Variants in PHTF2 observed in about 807,000 individuals in gnomAD.
PHTF2 encodes the protein protein PHTF2.
In PHTF2, 60 loss-of-function variants were observed where a neutral mutation model predicts 101.2. The ratio of observed to expected loss-of-function variants is 0.59; its 90% CI spans 0.48 to 0.73. The LOEUF is 0.73. Among genes scored for constraint, PHTF2 ranks in the 30% least tolerant of loss-of-function variants. The pLI is 0.00. For synonymous variants in PHTF2, 311 were observed against 307.3 expected, an observed-to-expected ratio of 1.01 and a Z score of -0.13; for missense variants, 747 against 908.7, an observed-to-expected ratio of 0.82 and a Z score of 2.29.
chr7:77,937,245 A>G (rs1805227347), intron 12 of PHTF2, among the ~76,000 whole-genome samples: 1 of 152,204 alleles, frequency 6.6e-6, no homozygotes, highest in Non-Finnish European at 1.5e-5. Context: ...CAGCTGTCAT[A>G]TTCTTTTTTA....
chr7:77,901,958 GT>G, intron 7 of PHTF2, 38 bp downstream of exon 6: 2 of 1,286,528 alleles, frequency 1.6e-6, no homozygotes, highest in Non-Finnish European at 2.1e-6. Context: ...TTTTCAGAAT[GT>G]TACATTGTTA....
chr7:77,951,582 TATAATTTGAA>T (rs1355591846), intron 17 of PHTF2, 25 bp from the exon 17 acceptor site: 13 of 872,440 alleles, frequency 1.5e-5, no homozygotes, highest in Non-Finnish European at 2.3e-5. Flanking sequence ...GTGTATTTAT[TATAATTTGAA>T]GCATTTCTAT....
chr7:77,810,875 C>T (rs538774554), intron 1 of PHTF2, among the ~76,000 whole-genome samples: 1 of 152,116 alleles, frequency 6.6e-6, no homozygotes, highest in Admixed American at 6.5e-5. Context: ...ATTTTTTCCT[C>T]ATAATTAGAT....
intron 3 of PHTF2, among the ~76,000 whole-genome samples, chr7:77,868,517 C>T (rs1251017487): frequency 1.3e-5 from 2 of 151,824 alleles, no homozygotes; most frequent in Non-Finnish European, 2.9e-5. Flanking sequence ...AAAGTGAAAG[C>T]TATTCTTCAT....
In PHTF2 at chr7:77,814,227, A is replaced by C. The variant is rs76033293; in HGVS notation, c.-36+15256A>C. 7.8e-3 allele frequency among the ~76,000 whole-genome samples: 1,189 copies of C among 152,316 alleles called. 18 individuals carry two copies. The highest frequency in any genetic ancestry group is 0.028 in the African/African-American group (1,146 of 41,576). Reference sequence around the variant, plus strand: ...CTAACACTGAATTAGCCAATAGTGAAGTGTTGCTCTTAGAGGAAATACAGA... The same window carrying C: ...CTAACACTGAATTAGCCAATAGTGACGTGTTGCTCTTAGAGGAAATACAGA... On this transcript the variant is annotated intron_variant, in intron 1 of 19. Transcript: ENST00000416283.
At chr7:77,832,977 T>A (rs529368735) in intron 1 of PHTF2, among the ~76,000 whole-genome samples, 11 of 151,994 alleles carry the variant, frequency 7.2e-5, no homozygotes, top group Admixed American at 1.3e-4. Flanking sequence ...AGATAATAAC[T>A]AATAATAAAA....
At chr7:77,920,534 T>C in intron 10 of PHTF2, 69 bp downstream of exon 9, 2 of 1,146,618 alleles carry the variant, frequency 1.7e-6, no homozygotes, top group Non-Finnish European at 1.3e-6. Flanking sequence ...GACTTAGATA[T>C]AGTAGTTGCC....
chr7:77,939,544 T>C (rs6944557), intron 13 of PHTF2, among the ~76,000 whole-genome samples: 22,772 of 148,736 alleles, frequency 0.15, 2,445 homozygotes, highest in African/African-American at 0.3. Context: ...AGCCCATTAT[T>C]GTGCCACTGT....
At chr7:77,932,833 T>G (rs1462107591) in intron 12 of PHTF2, among the ~76,000 whole-genome samples, 2 of 150,792 alleles carry the variant, frequency 1.3e-5, no homozygotes. Context: ...TGCCACACAC[T>G]GTGCAAAGTA....
chr7:77,832,998 G>C (rs774166294), intron 1 of PHTF2, among the ~76,000 whole-genome samples: 1 of 151,998 alleles, frequency 6.6e-6, no homozygotes, highest in African/African-American at 2.4e-5. Flanking sequence ...TAGGACAATC[G>C]TAACAGTATA....
chr7:77,915,875 A>C (rs1335508635), intron 9 of PHTF2, among the ~76,000 whole-genome samples: 1 of 152,006 alleles, frequency 6.6e-6, no homozygotes. Flanking sequence ...GGTGCCTGTG[A>C]TTCATGGTGT....
chr7:77,879,324 G>T (rs1271226617), intron 3 of PHTF2, among the ~76,000 whole-genome samples: 1 of 152,134 alleles, frequency 6.6e-6, no homozygotes, highest in Non-Finnish European at 1.5e-5. Flanking sequence ...AGCTGGGGAG[G>T]AGTCAGATGA....
intron 11 of PHTF2, chr7:77,922,979 T>G: frequency 7.8e-7 from 1 of 1,282,030 alleles, no homozygotes; most frequent in Non-Finnish European, 9.9e-7. Flanking sequence ...GCCACACATT[T>G]GAGCTCATTT....
rs192052123 is a variant in PHTF2 at position 77,900,491 on chromosome 7, C to T, written c.217-220C>T. 1.9e-4 allele frequency among the ~76,000 whole-genome samples: 29 copies of T among 152,262 alleles called. 1 individual carries two copies. In the East Asian group the frequency reaches 4.4e-3, roughly 23 times the overall value. Reference sequence around the variant, plus strand: ...ATTTTACTGTTGGTAATAAACCGGCCTGGCATGTTACACACATCTCTAAAT... The same window carrying T: ...ATTTTACTGTTGGTAATAAACCGGCTTGGCATGTTACACACATCTCTAAAT... On this transcript the variant is annotated intron_variant, in intron 5 of 19. Transcript: ENST00000416283.
At chr7:77,865,916 G>A (rs974042934) in intron 3 of PHTF2, among the ~76,000 whole-genome samples, 5 of 152,012 alleles carry the variant, frequency 3.3e-5, no homozygotes, top group Admixed American at 3.3e-4. Flanking sequence ...GGGCTCGGTG[G>A]CTCATGCCTG....
At chr7:77,920,697 T>C (rs535612834) in intron 10 of PHTF2, among the ~76,000 whole-genome samples, 1 of 152,326 alleles carries the variant, frequency 6.6e-6, no homozygotes, top group South Asian at 2.1e-4. Context: ...AAATGCTTTT[T>C]TTGAGACGGG....
At chr7:77,862,136 A>G (rs1797700300) in intron 3 of PHTF2, among the ~76,000 whole-genome samples, 1 of 152,098 alleles carries the variant, frequency 6.6e-6, no homozygotes. Context: ...GCTTCTACAC[A>G]GTAATGTTTA....
intron 2 of PHTF2, among the ~76,000 whole-genome samples, chr7:77,849,492 T>C (rs968403746): frequency 6.6e-6 from 1 of 152,112 alleles, no homozygotes; most frequent in Admixed American, 6.5e-5. Context: ...TCATGCAATG[T>C]GATTCCTCCA....
intron 2 of PHTF2, among the ~76,000 whole-genome samples, chr7:77,845,149 T>C (rs940455752): frequency 6.6e-6 from 1 of 152,210 alleles, no homozygotes; most frequent in African/African-American, 2.4e-5. Flanking sequence ...TTATTTGAAA[T>C]AGGGACCTGA....
Sources: gnomAD v4.1 joint callset for allele counts (sites outside exome capture counted in the v4.1 genomes callset) on GRCh38, gnomAD v4.1.1 for gene constraint, MANE v1.5 for transcripts, NCBI Gene and HGNC (gene_info 2026-07-23, HGNC 2026-07-21) for gene names.